Variants in UPF2 observed in about 807,000 individuals in gnomAD.
UPF2 encodes regulator of nonsense transcripts 2.
Under a neutral mutation model 141.4 loss-of-function variants are expected in UPF2, and 17 were observed. The ratio of observed to expected loss-of-function variants is 0.12; its 90% CI spans 0.08 to 0.18. The LOEUF (loss-of-function observed/expected upper bound fraction) is 0.18. Among genes scored for constraint, UPF2 ranks in the 10% least tolerant of loss-of-function variants. The pLI is 1.00. For synonymous variants in UPF2, 540 were observed against 498.0 expected, an observed-to-expected ratio of 1.08 and a Z score of -1.12; for missense variants, 1,152 against 1,515.9, an observed-to-expected ratio of 0.76 and a Z score of 3.99.
At chr10:11,972,341 C>G (rs1833433017) in intron 9 of UPF2, among the ~76,000 whole-genome samples, 1 of 152,134 alleles carries the variant, frequency 6.6e-6, no homozygotes, top group African/African-American at 2.4e-5. Context: ...TCAGTACTGA[C>G]TCTATAAATA....
chr10:11,989,330 GA>G (rs1312821615), intron 8 of UPF2, among the ~76,000 whole-genome samples: 1 of 152,164 alleles, frequency 6.6e-6, no homozygotes, highest in African/African-American at 2.4e-5. Context: ...TATAAAATAT[GA>G]AAATGTGCCA....
chr10:11,931,586 T>G lies in UPF2; in HGVS notation c.3688+55A>C, dbSNP rs1832782467. The G allele has an allele frequency of 4.1e-6, 6 of 1,479,992 alleles. No individual in the cohort carries two copies. The highest frequency in any genetic ancestry group is 2.4e-5 in the East Asian group (1 of 40,858). The allele number at this position is 1,479,992 out of a possible 1,614,324, so 91.7% of individuals were successfully genotyped here. A position where few individuals can be genotyped will look rare whatever the true frequency, so the allele number is the denominator to read the frequency against. On this transcript the variant is annotated intron_variant, in intron 20 of 21. Coordinates refer to ENST00000357604, the MANE Select transcript of UPF2 (RefSeq NM_015542.4). The surrounding 1 kb of genome is among the most constrained non-coding windows in gnomAD (Gnocchi z 5.9). ...TGAGAAGATGAGACAAAATAACAAT[T>G]TTGATGCTCAAAAGGCAACAAAAAT...
chr10:11,945,500 A>G (rs546888283), intron 16 of UPF2, among the ~76,000 whole-genome samples: 2 of 152,314 alleles, frequency 1.3e-5, no homozygotes, highest in East Asian at 3.9e-4. Context: ...ATTTCTCACA[A>G]AGTGAACCAG....
In UPF2 at chr10:11,964,233, A is replaced by G. The variant is rs889643571; in HGVS notation, c.2068-108T>C. 3.4e-5 allele frequency: 24 copies of G among 705,638 alleles called. No homozygotes were observed. In the African/African-American group the frequency reaches 4.4e-4, roughly 13 times the overall value. 43.7% of individuals were successfully genotyped at this position (705,638 alleles called of 1,614,324 possible). ...TAACAACTTGGAAAACGTAAAAAAC[A>G]GAAGTGAGTCTACTTGGGTTCACTG... On this transcript the variant is annotated intron_variant, in intron 10 of 21. Coordinates refer to ENST00000357604, the MANE Select transcript of UPF2 (RefSeq NM_015542.4).
chr10:12,011,823 T>C (rs1041807519), intron 4 of UPF2, among the ~76,000 whole-genome samples: 1 of 151,500 alleles, frequency 6.6e-6, no homozygotes, highest in Non-Finnish European at 1.5e-5. Flanking sequence ...CACATGCCTG[T>C]AATCCCAGCT....
Position 12,016,099 on chromosome 10 carries a change from G to A in UPF2, c.1146-1915C>T, listed in dbSNP as rs1834214701. 6.6e-6 allele frequency among the ~76,000 whole-genome samples: 1 copy of A among 151,996 alleles called. No homozygotes were observed. Among genetic ancestry groups the A allele is most frequent in the Non-Finnish European group, 1.5e-5 (1 of 68,032 alleles). ...TTAAAAATTAAAACAAAAACCCATA[G>A]CATTTTAACATACTCATACCTATGA... On this transcript the variant is annotated intron_variant, in intron 3 of 21. Transcript: ENST00000357604. This position sits in a 1 kb window ranked among gnomAD's most constrained non-coding sequence, Gnocchi z 4.1.
chr10:11,936,688 C>T lies in UPF2; in HGVS notation c.3403G>A (p.Val1135Met). ...GGAATGGCAACATCTAGTTGGTGCA[C>T]TTTAACAGATTCACCACTTCGTTGC... ...LQQRSGESVK[V>M]HQLDVAIPLH... The change falls in exon 19 of 22, where the codon GTG becomes ATG. Residue 1135 changes from valine (V) to methionine (M), a missense_variant. This residue lies in a region of UPF2 where 202 missense variants were observed against 223.6 expected (regional missense o/e 0.90). Coordinates refer to ENST00000357604, the MANE Select transcript of UPF2 (RefSeq NM_015542.4). The surrounding 1 kb of genome is among the most constrained non-coding windows in gnomAD (Gnocchi z 6.6). 1.2e-6 allele frequency: 2 copies of T among 1,609,668 alleles called. No homozygotes were observed. Among genetic ancestry groups the T allele is most frequent in the East Asian group, 2.2e-5 (1 of 44,746 alleles).
Position 11,940,387 on chromosome 10 carries a change from A to G in UPF2, c.3378+2278T>C, listed in dbSNP as rs1459516012. ...CTTCTCTTCTCTGTCCACACTTTAC[A>G]CCGGGGATGAATCATTTGTTCCGAT... On this transcript the variant is annotated intron_variant, in intron 18 of 21. Coordinates refer to ENST00000357604, the MANE Select transcript of UPF2 (RefSeq NM_015542.4). The surrounding 1 kb of genome is among the most constrained non-coding windows in gnomAD (Gnocchi z 4.2). 6.6e-6 allele frequency among the ~76,000 whole-genome samples: 1 copy of G among 152,114 alleles called. No homozygotes were observed. The highest frequency in any genetic ancestry group is 1.5e-5 in the Non-Finnish European group (1 of 68,020).
chr10:11,933,385 AT>A (rs1204644206), intron 19 of UPF2, among the ~76,000 whole-genome samples: 1 of 152,254 alleles, frequency 6.6e-6, no homozygotes, highest in African/African-American at 2.4e-5. Flanking sequence ...AAAATTCCAA[AT>A]AAAGTTTAGA....
chr10:12,028,640 A>G (rs1313731553), intron 3 of UPF2, 105 bp downstream of exon 3: 7 of 1,176,986 alleles, frequency 5.9e-6, no homozygotes, highest in Non-Finnish European at 8.2e-6. Flanking sequence ...ATCACCTGTA[A>G]GGAGCCCTTT....
intron 8 of UPF2, among the ~76,000 whole-genome samples, chr10:11,982,618 C>T (rs988074720): frequency 4.6e-5 from 7 of 152,158 alleles, no homozygotes; most frequent in African/African-American, 1.2e-4. Context: ...CTCCCAATCC[C>T]CTTACAAAGC....
intron 12 of UPF2, among the ~76,000 whole-genome samples, chr10:11,958,589 A>G (rs1035318529): frequency 6.6e-6 from 1 of 152,242 alleles, no homozygotes; most frequent in Admixed American, 6.5e-5. Flanking sequence ...CCTGTATTAT[A>G]TGTCAAGTGT....
intron 9 of UPF2, among the ~76,000 whole-genome samples, chr10:11,975,685 T>TG (rs1235262802): frequency 6.1e-5 from 9 of 148,028 alleles, no homozygotes; most frequent in Non-Finnish European, 1.5e-5. Flanking sequence ...ATTTTGTTGT[T>TG]TTTTTTTTTT....
chr10:12,036,832 C>G (rs1031709461), intron 1 of UPF2, among the ~76,000 whole-genome samples: 1 of 152,096 alleles, frequency 6.6e-6, no homozygotes, highest in South Asian at 2.1e-4. Context: ...TCGAGACCAA[C>G]CTGACTAACA....
intron 8 of UPF2, among the ~76,000 whole-genome samples, chr10:11,993,529 A>C (rs538198144): frequency 6.6e-6 from 1 of 151,732 alleles, no homozygotes; most frequent in South Asian, 2.1e-4. Flanking sequence ...AAAATTCCAA[A>C]AAAAAAACCA....
intron 1 of UPF2, among the ~76,000 whole-genome samples, chr10:12,036,949 C>T (rs991935298): frequency 7.2e-5 from 11 of 152,076 alleles, no homozygotes; most frequent in Non-Finnish European, 1.5e-4. Context: ...GGCTTGAACC[C>T]GGGAAGCGGA....
At chr10:11,981,680 G>A (rs1467848638) in intron 8 of UPF2, among the ~76,000 whole-genome samples, 1 of 41,742 alleles carries the variant, frequency 2.4e-5, no homozygotes, top group East Asian at 6.8e-4. Flanking sequence ...GTTCTTGTAA[G>A]GTACTCTTTT....
chr10:11,952,134 A>G lies in UPF2; in HGVS notation c.2966T>C (p.Leu989Pro), dbSNP rs747130760. ...TLELLRPKIK[L>P]CNSLEESIRQ... ...GATGGATTCTTCCAGAGAATTACAG[A>G]GTTTGATCTTTGGTCTTAGCAGTTC... The change falls in exon 15 of 22, where the codon CTC becomes CCC. Residue 989 changes from leucine to proline, a missense_variant. This residue lies in a region of UPF2 where 202 missense variants were observed against 223.6 expected (regional missense o/e 0.90). Coordinates refer to ENST00000357604, the MANE Select transcript of UPF2 (RefSeq NM_015542.4). 76 of 1,614,002 alleles carry G rather than the reference A, an allele frequency of 4.7e-5. No individual in the cohort carries two copies. In the Admixed American group the frequency reaches 1.2e-3, roughly 26 times the overall value.
chr10:11,949,644 AAT>A (rs1833048859), intron 15 of UPF2, among the ~76,000 whole-genome samples: 1 of 152,232 alleles, frequency 6.6e-6, no homozygotes, highest in Non-Finnish European at 1.5e-5. Flanking sequence ...GTGTTAAATA[AAT>A]ACCTGTTCAT....
Sources: gnomAD v4.1 joint callset for allele counts (sites outside exome capture counted in the v4.1 genomes callset) on GRCh38, gnomAD v4.1.1 for gene constraint, gnomAD v4.1.1 regional missense constraint, Gnocchi (gnomAD v3.1) non-coding constraint, MANE v1.5 for transcripts, NCBI Gene and HGNC (gene_info 2026-07-23, HGNC 2026-07-21) for gene names.